The following DOCK9 variants were observed in gnomAD, a reference collection of about 807,000 sequenced individuals.
DOCK9 encodes dedicator of cytokinesis 9.
A neutral mutation model predicts 263.3 loss-of-function variants in DOCK9; 89 were observed. The ratio of observed to expected loss-of-function variants is 0.34; its 90% CI spans 0.28 to 0.40. The LOEUF (loss-of-function observed/expected upper bound fraction) is 0.40. Ranked by LOEUF, DOCK9 falls within the 10% of genes least tolerant of loss-of-function variation. The pLI is 1.00. For missense variants in DOCK9, 2,140 were observed against 2,603.4 expected (o/e 0.82, Z 3.87); for synonymous variants, 976 against 973.1 (o/e 1.00, Z -0.06).
intron 2 of DOCK9, among the ~76,000 whole-genome samples, chr13:98,947,013 T>C (rs1320492809): frequency 6.6e-6 from 1 of 152,214 alleles, no homozygotes; most frequent in Non-Finnish European, 1.5e-5. Flanking sequence ...CTGTCTCACT[T>C]TTCTGTGGAT....
At chr13:98,855,618 C>T (rs957630405) in intron 34 of DOCK9, among the ~76,000 whole-genome samples, 15 of 151,946 alleles carry the variant, frequency 9.9e-5, no homozygotes, top group Admixed American at 9.8e-4. Context: ...TTGAGATGGG[C>T]AGCATTTTGA....
intron 1 of DOCK9, among the ~76,000 whole-genome samples, chr13:99,027,905 G>A (rs528371577): frequency 4.6e-5 from 7 of 152,278 alleles, no homozygotes; most frequent in African/African-American, 7.2e-5. Flanking sequence ...GTGACCCAGC[G>A]GAAGAATGGC....
intron 47 of DOCK9, chr13:98,809,109 G>A: frequency 3.9e-6 from 6 of 1,543,878 alleles, no homozygotes; most frequent in Non-Finnish European, 4.4e-6. Flanking sequence ...ATGTCTTAAG[G>A]AGGAAGAACT....
intron 15 of DOCK9, among the ~76,000 whole-genome samples, chr13:98,893,866 G>A (rs1310261294): frequency 2.0e-5 from 3 of 152,210 alleles, no homozygotes; most frequent in Non-Finnish European, 4.4e-5. Context: ...ATTGAGGAGC[G>A]TGGCCTCACT....
rs752679078 is a variant in DOCK9, at chr13:98,904,622, T to C, written c.1035+10A>G. On this transcript the variant is annotated intron_variant, in intron 10 of 52. Transcript: ENST00000682017. ...TGGTTTTAAATATTAAACATTTAGA[T>C]AGTTCTTACCTGGGCATCTGGGTCC... 1.3e-6 allele frequency: 2 copies of C among 1,543,124 alleles called. No individual in the cohort carries two copies. Among genetic ancestry groups the C allele is most frequent in the Admixed American group, 2.0e-5 (1 of 50,254 alleles).
At chr13:98,953,598 T>C (rs918691794) in intron 2 of DOCK9, among the ~76,000 whole-genome samples, 25 of 152,240 alleles carry the variant, frequency 1.6e-4, no homozygotes, top group Admixed American at 7.2e-4. Flanking sequence ...GAAGAACACA[T>C]ACTTCATGTT....
intron 3 of DOCK9, among the ~76,000 whole-genome samples, chr13:98,926,787 G>GA (rs1189011733): frequency 6.6e-6 from 1 of 152,118 alleles, no homozygotes; most frequent in Non-Finnish European, 1.5e-5. Context: ...AGTGTGGGTG[G>GA]AAAAAAAGCA....
At chr13:98,957,336 T>A (rs1386138248) in intron 1 of DOCK9, among the ~76,000 whole-genome samples, 1 of 152,232 alleles carries the variant, frequency 6.6e-6, no homozygotes, top group Non-Finnish European at 1.5e-5. Flanking sequence ...CTTTGCCTAT[T>A]GCACATATAC....
rs575944140 is a variant in DOCK9 at position 98,848,708 on chromosome 13, G to A, written c.4014-69C>T. 100 of 1,419,642 alleles carry A rather than the reference G, an allele frequency of 7.0e-5. 1 individual carries two copies. Among genetic ancestry groups the A allele is most frequent in the Non-Finnish European group, 4.9e-5 (50 of 1,026,674 alleles). 87.9% of individuals were successfully genotyped at this position (1,419,642 alleles called of 1,614,324 possible). ...ATTATTTTCGGGACGTTATTTATCT[G>A]TTAACAATAACAAATTCAATAAACA... On this transcript the variant is annotated intron_variant, in intron 36 of 52. Coordinates refer to ENST00000682017, the MANE Select transcript of DOCK9 (RefSeq NM_001366683.2).
At chr13:99,085,369 G>C (rs539527128) in intron 1 of DOCK9, among the ~76,000 whole-genome samples, 6 of 152,374 alleles carry the variant, frequency 3.9e-5, no homozygotes, top group African/African-American at 9.6e-5. Context: ...GCCCTGCAGA[G>C]CTCGCTCCTG....
chr13:98,966,137 G>A (rs1421823210), intron 1 of DOCK9, among the ~76,000 whole-genome samples: 1 of 152,262 alleles, frequency 6.6e-6, no homozygotes, highest in Admixed American at 6.5e-5. Context: ...ATGTCAATGA[G>A]GAGAGGAAGA....
chr13:98,994,804 T>C (rs1184964657), intron 1 of DOCK9, among the ~76,000 whole-genome samples: 1 of 152,232 alleles, frequency 6.6e-6, no homozygotes, highest in African/African-American at 2.4e-5. Context: ...TTCTTTTGTA[T>C]GACTTCTACA....
In DOCK9 at chr13:98,925,840, G is replaced by T; in HGVS notation, c.413C>A (p.Pro138Gln). 1 of 1,562,450 alleles carries T rather than the reference G, an allele frequency of 6.4e-7. No homozygotes were observed. ...EDYSGEFRQL[P>Q]NKVVKLDKLP... ...GTGTATAATATAGCTTACTCACTTC[G>T]GAAGCTGTCGAAACTCTCCTGAGTA... Residue 138 changes from proline to glutamine, a missense_variant, in exon 4 of 53, where the codon CCG becomes CAG. Coordinates refer to ENST00000682017, the MANE Select transcript of DOCK9 (RefSeq NM_001366683.2).
chr13:98,979,180 A>ACAGTAG (rs1876236809), upstream of DOCK9, among the ~76,000 whole-genome samples: 1 of 132,788 alleles, frequency 7.5e-6, no homozygotes, highest in Non-Finnish European at 1.6e-5. Context: ...AGCAGCAGCA[A>ACAGTAG]TAGTAGTAGT....
exon 1 of DOCK9, chr13:99,086,613 C>A (rs1187145253): frequency 2.0e-5 from 3 of 147,196 alleles, no homozygotes; most frequent in South Asian, 2.0e-4. Context: ...TCCGGGCGAC[C>A]GTGCGTGTGG....
At chr13:98,925,250 T>C (rs1228278866) in intron 4 of DOCK9, among the ~76,000 whole-genome samples, 1 of 152,114 alleles carries the variant, frequency 6.6e-6, no homozygotes, top group Non-Finnish European at 1.5e-5. Flanking sequence ...CAACACACAA[T>C]GGAACCTTTT....
intron 1 of DOCK9, among the ~76,000 whole-genome samples, chr13:99,008,681 A>G (rs1883933376): frequency 6.6e-6 from 1 of 152,224 alleles, no homozygotes. Flanking sequence ...TTTTCTCACC[A>G]TTCTAAGACT....
intron 32 of DOCK9, among the ~76,000 whole-genome samples, chr13:98,862,283 C>T (rs1398614149): frequency 2.0e-5 from 3 of 152,112 alleles, no homozygotes; most frequent in Non-Finnish European, 2.9e-5. Flanking sequence ...ACCTGGACTT[C>T]AGAATGTACC....
Position 98,933,374 on chromosome 13 carries a change from GA to G in DOCK9, c.244-3118del, listed in dbSNP as rs1444259412. On this transcript the variant is annotated intron_variant, in intron 2 of 52. Coordinates refer to ENST00000682017, the MANE Select transcript of DOCK9 (RefSeq NM_001366683.2). The stretch of plus-strand genomic sequence containing the variant: ...CAAAGTCCCATTATGTTCTCACTTG[GA>G]AAAAAAAAAAGTAACTTTAAATTAT... 9.6e-3 allele frequency among the ~76,000 whole-genome samples: 1,368 copies of G among 142,698 alleles called. 23 individuals are homozygous for G. Among genetic ancestry groups the G allele is most frequent in the African/African-American group, 0.031 (1,210 of 38,912 alleles). The allele number at this position is 142,698 out of a possible 152,430, so 93.6% of individuals were successfully genotyped here. A position where few individuals can be genotyped will look rare whatever the true frequency, so the allele number is the denominator to read the frequency against.
Sources: allele counts gnomAD v4.1 joint callset (sites outside exome capture counted in the v4.1 genomes callset), GRCh38; gene constraint gnomAD v4.1.1; transcripts MANE v1.5; gene names NCBI Gene and HGNC (gene_info 2026-07-23, HGNC 2026-07-21).